Variants in GOLGA4 observed in about 807,000 individuals in gnomAD.
The protein encoded by GOLGA4 is golgin subfamily A member 4.
Under a neutral mutation model 265.9 loss-of-function variants are expected in GOLGA4, and 169 were observed. The observed-to-expected ratio is 0.64, with a 90% CI of 0.56 to 0.72. GOLGA4 has a LOEUF of 0.72. Ranked by LOEUF, GOLGA4 falls within the 30% of genes least tolerant of loss-of-function variation. The pLI is 0.00. For missense variants in GOLGA4, 2,482 were observed against 2,483.4 expected, an observed-to-expected ratio of 1.00 and a Z score of 0.01; for synonymous variants, 923 against 855.8, an observed-to-expected ratio of 1.08 and a Z score of -1.37.
At chr3:37,295,721 G>A (rs1371444610) in intron 6 of GOLGA4, among the ~76,000 whole-genome samples, 1 of 152,186 alleles carries the variant, frequency 6.6e-6, no homozygotes, top group Non-Finnish European at 1.5e-5. Context: ...ACATTGATGT[G>A]TTTTTGTATG....
At chr3:37,281,674 T>C (rs1208637689) in intron 2 of GOLGA4, among the ~76,000 whole-genome samples, 1 of 152,216 alleles carries the variant, frequency 6.6e-6, no homozygotes, top group Admixed American at 6.5e-5. Flanking sequence ...ACTGTGTTTT[T>C]CTTTCTTCCA....
intron 2 of GOLGA4, 81 bp downstream of exon 2, chr3:37,251,565 A>G: frequency 1.2e-6 from 1 of 831,556 alleles, no homozygotes; most frequent in Non-Finnish European, 2.0e-6. Flanking sequence ...AAAATGGGAA[A>G]CTTTTGACAG....
At chr3:37,360,669 A>C (rs1181103220) in intron 22 of GOLGA4, among the ~76,000 whole-genome samples, 1 of 152,188 alleles carries the variant, frequency 6.6e-6, no homozygotes, top group East Asian at 1.9e-4. Context: ...AGTAAAAACT[A>C]TATTTGAGAT....
chr3:37,317,948 G>A (rs575050751), intron 11 of GOLGA4, among the ~76,000 whole-genome samples: 1 of 150,814 alleles, frequency 6.6e-6, no homozygotes, highest in South Asian at 2.1e-4. Flanking sequence ...GAATTTATAA[G>A]GCTTTTCTTT....
At chr3:37,362,167 A>G (rs1171056814) in intron 23 of GOLGA4, among the ~76,000 whole-genome samples, 1 of 152,034 alleles carries the variant, frequency 6.6e-6, no homozygotes, top group Non-Finnish European at 1.5e-5. Flanking sequence ...TTAAAATGGC[A>G]AGATACAACA....
At position 37,251,478 on chromosome 3, in the gene GOLGA4, T is replaced by C. The variant is rs551010155; in HGVS notation, c.156T>C (p.Asn52=). Residue 52 remains asparagine (N), a synonymous_variant, in exon 2 of 24, where the codon AAT becomes AAC. Transcript: ENST00000361924. ...AGCAACTTGATGAAGGTACACCCAA[T>C]AGAGAGGTAAGTTTGGAATTCCTTT... The part of the protein sequence containing the change: ...FTEQLDEGTP[N]RESGDTQSFA... 197 of 1,589,106 alleles carry C rather than the reference T, an allele frequency of 1.2e-4. 1 individual carries two copies. In the South Asian group the frequency reaches 2.0e-3, roughly 16 times the overall value.
rs55842993 is a variant in GOLGA4 at position 37,294,382 on chromosome 3, A to AT, written c.583-578dup. On this transcript the variant is annotated intron_variant, in intron 5 of 23. Transcript: ENST00000361924. ...CAAAGTTTTTCTTTTATCTTAAGTAATTTTTTTTTTTTTTTTTTTGGGAGA... is the reference window on the plus strand; with the variant it reads ...CAAAGTTTTTCTTTTATCTTAAGTAATTTTTTTTTTTTTTTTTTTTGGGAGA... Among the ~76,000 whole-genome samples, 453 of 132,024 alleles carry AT rather than the reference A, an allele frequency of 3.4e-3. 2 individuals carry two copies. Among genetic ancestry groups the AT allele is most frequent in the East Asian group, 9.4e-3 (44 of 4,692 alleles). 86.6% of individuals were successfully genotyped at this position (132,024 alleles called of 152,430 possible).
intron 23 of GOLGA4, among the ~76,000 whole-genome samples, chr3:37,363,416 TTGTC>T (rs1246608826): frequency 6.6e-6 from 1 of 152,232 alleles, no homozygotes; most frequent in Non-Finnish European, 1.5e-5. Flanking sequence ...GATTAATTGA[TTGTC>T]TCCTCAACTT....
chr3:37,328,266 A>ACACACACACACACT (rs1326253456), intron 14 of GOLGA4, 150 bp from the exon 15 acceptor site: 31 of 678,114 alleles, frequency 4.6e-5, no homozygotes, highest in Admixed American at 1.0e-4. Context: ...ACACACACAC[A>ACACACACACACACT]CACTCACTCT....
intron 22 of GOLGA4, among the ~76,000 whole-genome samples, chr3:37,360,574 A>G (rs763341757): frequency 3.9e-5 from 6 of 152,216 alleles, no homozygotes; most frequent in Non-Finnish European, 8.8e-5. Flanking sequence ...TAATGCTGCC[A>G]TTTTAAATCA....
In GOLGA4 at chr3:37,325,655, A is replaced by G. The variant is rs753916481; in HGVS notation, c.3769A>G (p.Thr1257Ala). 6.8e-6 allele frequency: 11 copies of G among 1,613,954 alleles called. No homozygotes were observed. In the South Asian group the frequency reaches 1.2e-4, roughly 18 times the overall value. Residue 1257 changes from threonine (T) to alanine (A), a missense_variant, in exon 14 of 24, where the codon ACA becomes GCA. Coordinates refer to ENST00000361924, the MANE Select transcript of GOLGA4 (RefSeq NM_002078.5). ...LSRISHCQHR[T>A]TKVKEALLIK... ...TAGGATTTCTCATTGTCAGCACCGT[A>G]CAACTAAAGTTAAGGAGGCACTGTT...
At chr3:37,328,309 T>A in intron 14 of GOLGA4, 107 bp from the exon 15 acceptor site, 1 of 1,029,088 alleles carries the variant, frequency 9.7e-7, no homozygotes, top group Non-Finnish European at 1.4e-6. Flanking sequence ...CTCAAAAATG[T>A]TTTCATACAA....
At chr3:37,286,178 G>A (rs1275109905) in intron 4 of GOLGA4, 117 bp downstream of exon 4, 6 of 490,756 alleles carry the variant, frequency 1.2e-5, no homozygotes, top group Non-Finnish European at 2.0e-5. Flanking sequence ...ACGGAGTCTC[G>A]CTCTGTCGCC....
chr3:37,327,437 AT>A lies in GOLGA4; in HGVS notation c.5555del (p.Leu1852TrpfsTer5), dbSNP rs1210371817. 3.1e-6 allele frequency: 5 copies of A among 1,613,202 alleles called. No homozygotes were observed. Among genetic ancestry groups the A allele is most frequent in the Non-Finnish European group, 4.2e-6 (5 of 1,179,704 alleles). ...CCAGGAGAAGGAACTAACCTGTCAG[AT>A]TTTGGAGCAAAAGATAAAAGAGCTG... The part of the protein sequence containing the change: ...TLQEKELTCQ[I>X]LEQKIKELDS... On this transcript the variant is annotated frameshift_variant, in exon 14 of 24. Transcript: ENST00000361924. LOFTEE classifies it high-confidence loss of function.
At chr3:37,258,261 A>G (rs952500579) in intron 2 of GOLGA4, among the ~76,000 whole-genome samples, 13 of 148,598 alleles carry the variant, frequency 8.7e-5, no homozygotes, top group Admixed American at 8.2e-4. Context: ...TATAGAGAGC[A>G]TATATATAGA....
At chr3:37,362,998 A>G (rs181287005) in intron 23 of GOLGA4, among the ~76,000 whole-genome samples, 129 of 150,370 alleles carry the variant, frequency 8.6e-4, no homozygotes, top group Admixed American at 2.2e-3. Context: ...TATTCAGGAT[A>G]GTCTCGATCT....
chr3:37,257,936 C>CATACAT (rs2096754708), intron 2 of GOLGA4, among the ~76,000 whole-genome samples: 3 of 96,794 alleles, frequency 3.1e-5, no homozygotes, highest in African/African-American at 1.6e-4. Context: ...TGTATATATA[C>CATACAT]ATACATATAT....
chr3:37,251,436 G>A lies in GOLGA4; in HGVS notation c.114G>A (p.Arg38=). The A allele has an allele frequency of 1.2e-6, 2 of 1,613,334 alleles. No individual in the cohort carries two copies. The highest frequency in any genetic ancestry group is 2.2e-5 in the South Asian group (2 of 91,066). ...NSSTPTRMRS[R]TSSFTEQLDE... The stretch of plus-strand genomic sequence containing the variant: ...CAACACCAACAAGAATGAGGAGCAG[G>A]ACATCTTCATTTACAGAGCAACTTG... Residue 38 remains arginine, a synonymous_variant, in exon 2 of 24, where the codon AGG becomes AGA. Coordinates refer to ENST00000361924, the MANE Select transcript of GOLGA4 (RefSeq NM_002078.5).
rs981527156 is a variant in GOLGA4, at chr3:37,340,214, G to A, written c.6472+15G>A. On this transcript the variant is annotated intron_variant, in intron 20 of 23. Coordinates refer to ENST00000361924, the MANE Select transcript of GOLGA4 (RefSeq NM_002078.5). ...ACCTTACAAAGGTAAGGATGATCTC[G>A]TGTCATGTTATTAACTGTTATCTTT... is the stretch of plus-strand genomic sequence containing the variant. 1.2e-5 allele frequency: 13 copies of A among 1,052,464 alleles called. No individual in the cohort carries two copies. The highest frequency in any genetic ancestry group is 2.7e-5 in the East Asian group (1 of 37,522). The allele number at this position is 1,052,464 out of a possible 1,614,324, so 65.2% of individuals were successfully genotyped here.
Sources: gnomAD v4.1 joint callset for allele counts (sites outside exome capture counted in the v4.1 genomes callset) on GRCh38, gnomAD v4.1.1 for gene constraint, MANE v1.5 for transcripts, NCBI Gene and HGNC (gene_info 2026-07-23, HGNC 2026-07-21) for gene names.